The following FRMD3 variants were observed in gnomAD, a reference collection of about 807,000 sequenced individuals.
The protein encoded by FRMD3 is FERM domain-containing protein 3.
In FRMD3, 33 loss-of-function variants were observed where a neutral mutation model predicts 70.2. That is an observed-to-expected ratio of 0.47 (90% confidence interval 0.36 to 0.63). FRMD3 has a LOEUF of 0.63. Among genes scored for constraint, FRMD3 ranks in the 20% least tolerant of loss-of-function variants. The pLI, the probability that FRMD3 is intolerant of heterozygous loss-of-function variation, is 0.00. For synonymous variants in FRMD3, 279 were observed against 255.9 expected, an observed-to-expected ratio of 1.09 and a Z score of -0.86; for missense variants, 632 against 711.4, an observed-to-expected ratio of 0.89 and a Z score of 1.27.
At chr9:83,253,979 G>C (rs200795088) in intron 13 of FRMD3, among the ~76,000 whole-genome samples, 7 of 151,172 alleles carry the variant, frequency 4.6e-5, no homozygotes, top group South Asian at 2.1e-4. Context: ...CATGGATGAA[G>C]CCGGAAACCA....
At chr9:83,416,748 T>TCTCC (rs1826457550) in intron 1 of FRMD3, among the ~76,000 whole-genome samples, 1 of 89,726 alleles carries the variant, frequency 1.1e-5, no homozygotes, top group African/African-American at 5.0e-5. Context: ...TCTCTCTGTC[T>TCTCC]CTCTCTCTCT....
At chr9:83,536,089 A>G (rs1488201059) in intron 1 of FRMD3, among the ~76,000 whole-genome samples, 1 of 152,246 alleles carries the variant, frequency 6.6e-6, no homozygotes, top group Admixed American at 6.5e-5. Flanking sequence ...TTGGTTAAAT[A>G]ATAATTGTAA....
Position 83,538,379 on chromosome 9 carries a change from A to T in FRMD3, c.-148T>A. ...CAGCGTCGGGCGCCTGCGGACACACATGCCCAGCGGCCGGGGCGCGGCGGG... is the reference window on the plus strand; with the variant it reads ...CAGCGTCGGGCGCCTGCGGACACACTTGCCCAGCGGCCGGGGCGCGGCGGG... On this transcript the variant is annotated 5_prime_UTR_variant, in exon 1 of 14. It removes an upstream start codon present in the reference 5' UTR. Transcript: ENST00000304195. This position sits in a 1 kb window ranked among gnomAD's most constrained non-coding sequence, Gnocchi z 4.7. 1.6e-6 allele frequency: 1 copy of T among 613,410 alleles called. No individual in the cohort carries two copies. The highest frequency in any genetic ancestry group is 3.6e-5 in the East Asian group (1 of 28,090). 38.0% of individuals were successfully genotyped at this position (613,410 alleles called of 1,614,324 possible). A position where few individuals can be genotyped will look rare whatever the true frequency, so the allele number is the denominator to read the frequency against.
chr9:83,553,205 C>G, the FRMD3 span, among the ~76,000 whole-genome samples: 1 of 152,100 alleles, frequency 6.6e-6, no homozygotes, highest in African/African-American at 2.4e-5. Flanking sequence ...TTATCTGAAA[C>G]GATCTTATTT....
At chr9:83,258,566 G>A (rs1003818916) in intron 13 of FRMD3, among the ~76,000 whole-genome samples, 1 of 152,214 alleles carries the variant, frequency 6.6e-6, no homozygotes, top group Admixed American at 6.5e-5. Flanking sequence ...ATCTCACAAG[G>A]CTGTGGAAAG....
At chr9:83,562,720 T>G in the FRMD3 span, among the ~76,000 whole-genome samples, 1 of 151,988 alleles carries the variant, frequency 6.6e-6, no homozygotes, top group Non-Finnish European at 1.5e-5. Flanking sequence ...GAAAGAAGGG[T>G]TTTACCCTTT....
intron 3 of FRMD3, among the ~76,000 whole-genome samples, chr9:83,353,288 A>AGG (rs35834224): frequency 7.3e-5 from 9 of 123,476 alleles, no homozygotes; most frequent in Non-Finnish European, 6.6e-5. Flanking sequence ...GGGGTGGGGG[A>AGG]GGGGGGGCAC....
intron 1 of FRMD3, among the ~76,000 whole-genome samples, chr9:83,421,595 T>A (rs1826645784): frequency 6.6e-6 from 1 of 152,214 alleles, no homozygotes; most frequent in Non-Finnish European, 1.5e-5. Flanking sequence ...AGTAAGAAGA[T>A]GGCCCTTCCA....
intron 2 of FRMD3, among the ~76,000 whole-genome samples, chr9:83,381,721 A>T (rs576471143): frequency 2.1e-4 from 32 of 151,930 alleles, no homozygotes; most frequent in African/African-American, 6.8e-4. Context: ...GGAAGTCTTT[A>T]AAAAAAAGCA....
rs546659745 is a variant in FRMD3 at position 83,468,142 on chromosome 9, T to C, written c.147+69943A>G. Reference sequence around the variant, plus strand: ...GATTAAATATGGATATATAAGTTGATTGAATCAATTCTATAAGAAATTAAA... The same window carrying C: ...GATTAAATATGGATATATAAGTTGACTGAATCAATTCTATAAGAAATTAAA... On this transcript the variant is annotated intron_variant, in intron 1 of 13. Transcript: ENST00000304195. 6.6e-5 allele frequency among the ~76,000 whole-genome samples: 10 copies of C among 152,362 alleles called. No homozygotes were observed. The South Asian group carries it at 1.7e-3, about 25-fold the overall frequency.
At chr9:83,282,682 G>GGTC (rs1282972438) in intron 13 of FRMD3, among the ~76,000 whole-genome samples, 2 of 152,068 alleles carry the variant, frequency 1.3e-5, no homozygotes, top group African/African-American at 4.8e-5. Context: ...TCTTGTCTGT[G>GGTC]GTCACCTGGC....
intron 10 of FRMD3, among the ~76,000 whole-genome samples, chr9:83,301,072 G>C (rs1281761195): frequency 1.3e-5 from 2 of 152,212 alleles, no homozygotes; most frequent in African/African-American, 4.8e-5. Flanking sequence ...GGGGGATCCT[G>C]TCAGGGCAGG....
chr9:83,267,135 C>G (rs1406586192), intron 13 of FRMD3: 1 of 1,550,648 alleles, frequency 6.4e-7, no homozygotes, highest in Admixed American at 2.0e-5. Context: ...AAGCATTTTG[C>G]CATACTGGTT....
intron 13 of FRMD3, among the ~76,000 whole-genome samples, chr9:83,251,032 G>C (rs1332147154): frequency 6.6e-6 from 1 of 152,140 alleles, no homozygotes; most frequent in Non-Finnish European, 1.5e-5. Flanking sequence ...TCTTTGGGTG[G>C]GTCTGTGAGC....
At chr9:83,549,911 C>A in the FRMD3 span, among the ~76,000 whole-genome samples, 2 of 152,042 alleles carry the variant, frequency 1.3e-5, no homozygotes, top group Non-Finnish European at 2.9e-5. Flanking sequence ...TCTGTTTATT[C>A]TGTTGATAGT....
At chr9:83,284,948 A>G (rs988953352) in intron 13 of FRMD3, among the ~76,000 whole-genome samples, 14 of 151,772 alleles carry the variant, frequency 9.2e-5, no homozygotes, top group African/African-American at 3.4e-4. Flanking sequence ...TGAAAGACAT[A>G]TGCATAGACA....
chr9:83,470,720 T>C (rs1828248860), intron 1 of FRMD3, among the ~76,000 whole-genome samples: 1 of 152,256 alleles, frequency 6.6e-6, no homozygotes, highest in Non-Finnish European at 1.5e-5. Flanking sequence ...TGGTAGGATG[T>C]GGTACAATGA....
chr9:83,313,924 C>A (rs1368929771), intron 6 of FRMD3, among the ~76,000 whole-genome samples, 177 bp from the exon 7 acceptor site: 2 of 152,168 alleles, frequency 1.3e-5, no homozygotes, highest in African/African-American at 4.8e-5. Flanking sequence ...TACTAAGGAA[C>A]CCGAGCTTGT....
intron 1 of FRMD3, among the ~76,000 whole-genome samples, chr9:83,467,220 A>T (rs1828151603): frequency 6.6e-6 from 1 of 152,226 alleles, no homozygotes; most frequent in Non-Finnish European, 1.5e-5. Context: ...TATCCAAACC[A>T]AAATACATTG....
Sources: allele counts gnomAD v4.1 joint callset (sites outside exome capture counted in the v4.1 genomes callset), GRCh38; gene constraint gnomAD v4.1.1; non-coding constraint Gnocchi (gnomAD v3.1); transcripts MANE v1.5; gene names NCBI Gene and HGNC (gene_info 2026-07-23, HGNC 2026-07-21).